ATXN7L1: variants seen among roughly 807,000 people sequenced by gnomAD.
ATXN7L1 encodes ataxin 7 like 1, also known as ataxin-7-like protein 1.
A neutral mutation model predicts 70.8 loss-of-function variants in ATXN7L1; 15 were observed. That is an observed-to-expected ratio of 0.21 (90% CI 0.14 to 0.33). The LOEUF (loss-of-function observed/expected upper bound fraction) is 0.33, where lower values mean the gene tolerates loss of function less well. Among genes scored for constraint, ATXN7L1 ranks in the 10% least tolerant of loss-of-function variants. ATXN7L1 has a pLI of 1.00. For missense variants in ATXN7L1, 975 were observed against 1,097.1 expected (o/e 0.89, Z 1.57); for synonymous variants, 440 against 445.1 (o/e 0.99, Z 0.14).
intron 3 of ATXN7L1, among the ~76,000 whole-genome samples, chr7:105,786,161 A>AG (rs1563091240): frequency 1.3e-5 from 2 of 152,194 alleles, no homozygotes; most frequent in African/African-American, 4.8e-5. Context: ...TCATGTCCCC[A>AG]TTGCTGCTTG....
intron 2 of ATXN7L1, among the ~76,000 whole-genome samples, chr7:105,874,050 G>A (rs148303533): frequency 0.017 from 2,534 of 151,606 alleles, 69 homozygotes; most frequent in African/African-American, 0.058. Flanking sequence ...GCTTGAACCC[G>A]GGAGGCGGAG....
chr7:105,695,175 T>C (rs1791553083), intron 3 of ATXN7L1, among the ~76,000 whole-genome samples: 1 of 152,102 alleles, frequency 6.6e-6, no homozygotes, highest in African/African-American at 2.4e-5. Context: ...TAGTCCCAGC[T>C]ACTCGGGAGG....
intron 3 of ATXN7L1, among the ~76,000 whole-genome samples, chr7:105,690,525 C>G (rs570277180): frequency 6.6e-6 from 1 of 152,290 alleles, no homozygotes; most frequent in African/African-American, 2.4e-5. Context: ...CAGACCCGCT[C>G]CTCAGAAGGC....
intron 4 of ATXN7L1, among the ~76,000 whole-genome samples, chr7:105,659,199 T>C (rs1801185445): frequency 1.3e-5 from 2 of 152,372 alleles, no homozygotes; most frequent in East Asian, 3.9e-4. Flanking sequence ...GTTGAAAATG[T>C]AAAATTAACA....
At chr7:105,656,773 G>A (rs1358050339) in intron 4 of ATXN7L1, among the ~76,000 whole-genome samples, 1 of 152,146 alleles carries the variant, frequency 6.6e-6, no homozygotes, top group African/African-American at 2.4e-5. Context: ...GTTTTGCCAT[G>A]TTGGCCAGGA....
intron 3 of ATXN7L1, among the ~76,000 whole-genome samples, chr7:105,727,440 G>A (rs1293422246): frequency 2.6e-5 from 4 of 151,806 alleles, no homozygotes; most frequent in South Asian, 4.2e-4. Context: ...AGGCCGAGGC[G>A]CGTGGATCAC....
chr7:105,624,389 C>A, intron 7 of ATXN7L1, 122 bp from the exon 8 acceptor site: 2 of 1,002,484 alleles, frequency 2.0e-6, no homozygotes, highest in East Asian at 3.3e-5. Context: ...CGGTGGCTCA[C>A]GCCTGTAATC....
chr7:105,623,752 G>A (rs1225306113), intron 8 of ATXN7L1, among the ~76,000 whole-genome samples: 1 of 152,220 alleles, frequency 6.6e-6, no homozygotes, highest in Non-Finnish European at 1.5e-5. Flanking sequence ...CAGCTCCTGA[G>A]TGCACTTACA....
intron 9 of ATXN7L1, among the ~76,000 whole-genome samples, 164 bp downstream of exon 9, chr7:105,620,036 C>G (rs1442227090): frequency 1.3e-5 from 2 of 152,218 alleles, no homozygotes; most frequent in Non-Finnish European, 2.9e-5. Flanking sequence ...AACCTTCAGG[C>G]AAACCATTAA....
intron 2 of ATXN7L1, among the ~76,000 whole-genome samples, chr7:105,856,913 G>C (rs1258414557): frequency 1.3e-5 from 2 of 152,100 alleles, no homozygotes; most frequent in African/African-American, 4.8e-5. Flanking sequence ...AAAGAAAACA[G>C]AAGGCTGTTT....
chr7:105,747,498 G>T, intron 3 of ATXN7L1, among the ~76,000 whole-genome samples: 1 of 152,100 alleles, frequency 6.6e-6, no homozygotes, highest in East Asian at 1.9e-4. Context: ...CAGTTTATTC[G>T]TATCCTTTAA....
Position 105,643,017 on chromosome 7 carries a change from G to T in ATXN7L1, c.683C>A (p.Ser228Tyr). ...NSTTTTAVSA[S>Y]STSSSAVSTP... ...GGAGACGGCAGAGGACGAGGTGGAG[G>T]AGGCAGAAACTGCAGTAGTGGTTGT... Residue 228 changes from serine (S) to tyrosine (Y), a missense_variant, in exon 5 of 12, where the codon TCC becomes TAC. Ser to Tyr is a moderately radical substitution (Grantham distance 144). Around this residue, in one of 5 missense-constraint regions of ATXN7L1, gnomAD observed 192 missense variants for 215.5 expected, o/e 0.89. Transcript: ENST00000419735. 6.4e-7 allele frequency: 1 copy of T among 1,551,796 alleles called. No individual in the cohort carries two copies. Among genetic ancestry groups the T allele is most frequent in the Non-Finnish European group, 8.7e-7 (1 of 1,147,006 alleles).
chr7:105,634,059 C>T (rs758795872), intron 7 of ATXN7L1, among the ~76,000 whole-genome samples: 24 of 152,134 alleles, frequency 1.6e-4, no homozygotes, highest in Admixed American at 1.4e-3. Context: ...GCTCTGATTG[C>T]TGCACTCCAG....
chr7:105,734,303 G>A (rs1049203737), intron 3 of ATXN7L1, among the ~76,000 whole-genome samples: 2 of 152,104 alleles, frequency 1.3e-5, no homozygotes, highest in African/African-American at 4.8e-5. Flanking sequence ...TGCTAAAACC[G>A]AAACCAAAAA....
At chr7:105,818,417 A>G (rs976058873) in intron 2 of ATXN7L1, among the ~76,000 whole-genome samples, 8 of 152,110 alleles carry the variant, frequency 5.3e-5, no homozygotes, top group Admixed American at 2.0e-4. Context: ...CGGCCTCCCA[A>G]AGTGCTGGGA....
chr7:105,690,815 A>G (rs2116195017), intron 3 of ATXN7L1, among the ~76,000 whole-genome samples: 1 of 152,304 alleles, frequency 6.6e-6, no homozygotes, highest in Non-Finnish European at 1.5e-5. Flanking sequence ...TTTTTAGCCA[A>G]CTGTTCTAGT....
At chr7:105,744,002 C>T (rs964135791) in intron 3 of ATXN7L1, among the ~76,000 whole-genome samples, 26 of 152,264 alleles carry the variant, frequency 1.7e-4, no homozygotes, top group African/African-American at 5.5e-4. Flanking sequence ...GGGTTTGAAA[C>T]AGCACGTTGC....
chr7:105,639,520 T>A lies in ATXN7L1; in HGVS notation c.912A>T (p.Thr304=). The A allele has an allele frequency of 1.3e-6, 2 of 1,551,664 alleles. No individual in the cohort carries two copies. Among genetic ancestry groups the A allele is most frequent in the East Asian group, 2.4e-5 (1 of 40,916 alleles). The part of the protein sequence containing the change: ...NKHCGVLDPE[T]KKPCTRSLTC... ...TGAGGGATCTTGTGCAAGGTTTCTT[T>A]GTCTCGGGATCCAATACTCCACAGT... is the stretch of plus-strand genomic sequence containing the variant. The change falls in exon 6 of 12, where the codon ACA becomes ACT. Residue 304 remains threonine, a synonymous_variant. Coordinates refer to ENST00000419735, the MANE Select transcript of ATXN7L1 (RefSeq NM_020725.2).
chr7:105,799,573 T>A (rs1346664480), intron 2 of ATXN7L1, among the ~76,000 whole-genome samples: 1 of 152,114 alleles, frequency 6.6e-6, no homozygotes. Flanking sequence ...TGGCTGTGAC[T>A]GATCTCTAAC....
Sources: allele counts gnomAD v4.1 joint callset (sites outside exome capture counted in the v4.1 genomes callset), GRCh38; gene constraint gnomAD v4.1.1; regional missense constraint gnomAD v4.1.1; transcripts MANE v1.5; gene names NCBI Gene and HGNC (gene_info 2026-07-23, HGNC 2026-07-21).